The following PIP5K1B variants were observed in gnomAD, a reference collection of about 807,000 sequenced individuals.
PIP5K1B encodes phosphatidylinositol-4-phosphate 5-kinase type 1 beta.
Under a neutral mutation model 67.0 loss-of-function variants are expected in PIP5K1B, and 42 were observed. The ratio of observed to expected loss-of-function variants is 0.63; its 90% CI spans 0.49 to 0.81. The LOEUF (loss-of-function observed/expected upper bound fraction) is 0.81, where lower values mean the gene tolerates loss of function less well. Ranked by LOEUF, PIP5K1B falls within the 30% of genes least tolerant of loss-of-function variation. The pLI is 0.00. For synonymous variants in PIP5K1B, 214 were observed against 231.4 expected (o/e 0.92, Z 0.68); for missense variants, 459 against 646.3 (o/e 0.71, Z 3.14).
chr9:68,811,157 A>G lies in PIP5K1B; in HGVS notation c.-85-7304A>G, dbSNP rs150907462. Among the ~76,000 whole-genome samples, 452 of 152,300 alleles carry G rather than the reference A, an allele frequency of 3.0e-3. 1 individual carries two copies. The highest frequency in any genetic ancestry group is 9.6e-3 in the African/African-American group (399 of 41,560). ...TTAACGGATTCCCAGAGCTATAACAATAGAAACGTGTGTACCAGTTCCTAG... is the reference window on the plus strand; with the variant it reads ...TTAACGGATTCCCAGAGCTATAACAGTAGAAACGTGTGTACCAGTTCCTAG... On this transcript the variant is annotated intron_variant, in intron 2 of 15. Transcript: ENST00000265382.
At chr9:68,787,169 A>T (rs1831672099) in intron 2 of PIP5K1B, among the ~76,000 whole-genome samples, 1 of 152,108 alleles carries the variant, frequency 6.6e-6, no homozygotes, top group African/African-American at 2.4e-5. Flanking sequence ...CTGTAAAGGG[A>T]AGTGAGTAGA....
intron 5 of PIP5K1B, among the ~76,000 whole-genome samples, chr9:68,875,678 G>A (rs1042511300): frequency 6.6e-6 from 1 of 152,142 alleles, no homozygotes; most frequent in African/African-American, 2.4e-5. Flanking sequence ...ATAAAAAGCA[G>A]ACCATGATAA....
rs1827389023 is a variant in PIP5K1B at position 68,711,454 on chromosome 9, T to G, written c.-243+5692T>G. Among the ~76,000 whole-genome samples the G allele has an allele frequency of 3.9e-5, 6 of 152,208 alleles. No individual in the cohort carries two copies. In the South Asian group the frequency reaches 1.2e-3, roughly 32 times the overall value. On this transcript the variant is annotated intron_variant, in intron 1 of 15. Coordinates refer to ENST00000265382, the MANE Select transcript of PIP5K1B (RefSeq NM_003558.4). ...ACAATGGAAAAGGTTAAGCATCATG[T>G]TTTATTTATATTTGTATTCTTGGAA... is the stretch of plus-strand genomic sequence containing the variant.
At chr9:68,996,703 G>C (rs1164214401) in intron 15 of PIP5K1B, among the ~76,000 whole-genome samples, 1 of 152,170 alleles carries the variant, frequency 6.6e-6, no homozygotes, top group Middle Eastern at 3.2e-3. Flanking sequence ...TTTGGTTTTC[G>C]TGGAAAGAGG....
At chr9:68,940,973 C>T (rs1013421776) in intron 14 of PIP5K1B, 183 bp downstream of exon 14, 1 of 694,260 alleles carries the variant, frequency 1.4e-6, no homozygotes, top group African/African-American at 1.8e-5. Context: ...AGGGAAAACC[C>T]TCATGATTTT....
chr9:69,003,466 T>TTAAA lies in PIP5K1B; in HGVS notation c.1621-4981_1621-4980insTAAA, dbSNP rs1554755635. On this transcript the variant is annotated intron_variant, in intron 15 of 15. Transcript: ENST00000265382. ...GACTGAAACCTGAGGTAATTATAGT[T>TTAAA]AAAAAAAAAAAAGGGGGGGGGATAT... Among the ~76,000 whole-genome samples, 110 of 16,556 alleles carry TTAAA rather than the reference T, an allele frequency of 6.6e-3. 1 individual carries two copies. Among genetic ancestry groups the TTAAA allele is most frequent in the African/African-American group, 0.021 (100 of 4,766 alleles). The allele number at this position is 16,556 out of a possible 152,430, so 10.9% of individuals were successfully genotyped here.
chr9:68,939,420 C>G (rs1013511102), intron 13 of PIP5K1B, among the ~76,000 whole-genome samples: 2 of 152,130 alleles, frequency 1.3e-5, no homozygotes, highest in Non-Finnish European at 2.9e-5. Flanking sequence ...TTTTGACACC[C>G]AGTTTTCAAT....
At chr9:68,902,265 C>T (rs1013329736) in intron 8 of PIP5K1B, among the ~76,000 whole-genome samples, 1 of 152,224 alleles carries the variant, frequency 6.6e-6, no homozygotes, top group African/African-American at 2.4e-5. Flanking sequence ...ACAGCTACCT[C>T]CTTCCCTCAC....
At chr9:68,831,379 C>T (rs181010430) in intron 4 of PIP5K1B, among the ~76,000 whole-genome samples, 8 of 152,280 alleles carry the variant, frequency 5.3e-5, no homozygotes, top group Non-Finnish European at 5.9e-5. Context: ...TCCTAACAAC[C>T]TTATGAGGTT....
intron 2 of PIP5K1B, among the ~76,000 whole-genome samples, chr9:68,752,526 C>T (rs1371973341): frequency 6.6e-6 from 1 of 151,590 alleles, no homozygotes; most frequent in African/African-American, 2.4e-5. Flanking sequence ...TCTTTCCCTC[C>T]CTTGCTGTCT....
chr9:68,814,665 A>T (rs1432144710), intron 2 of PIP5K1B, among the ~76,000 whole-genome samples: 9 of 152,004 alleles, frequency 5.9e-5, no homozygotes, highest in Non-Finnish European at 1.0e-4. Context: ...AAAAAAATTT[A>T]AAAAATTAGC....
intron 5 of PIP5K1B, among the ~76,000 whole-genome samples, chr9:68,872,590 G>A (rs1823681764): frequency 6.6e-6 from 1 of 152,204 alleles, no homozygotes; most frequent in South Asian, 2.1e-4. Context: ...AAGGAATACT[G>A]TGAAGAGTTC....
intron 2 of PIP5K1B, chr9:68,780,175 A>G: frequency 6.6e-7 from 1 of 1,524,382 alleles, no homozygotes; most frequent in Non-Finnish European, 8.8e-7. Flanking sequence ...ATGGCTCAGG[A>G]GAAGATGGAG....
intron 4 of PIP5K1B, among the ~76,000 whole-genome samples, chr9:68,827,723 G>A (rs1465377149): frequency 6.6e-6 from 1 of 152,192 alleles, no homozygotes; most frequent in Non-Finnish European, 1.5e-5. Context: ...TCCAATCAGT[G>A]CGACTACCAG....
chr9:68,966,502 A>G (rs1829040053), intron 14 of PIP5K1B: 1 of 152,258 alleles, frequency 6.6e-6, no homozygotes, highest in Non-Finnish European at 1.5e-5. Context: ...GTGTCTAACC[A>G]TGAGAAAAAC....
intron 14 of PIP5K1B, among the ~76,000 whole-genome samples, chr9:68,960,315 G>A (rs1383414310): frequency 6.6e-6 from 1 of 152,156 alleles, no homozygotes; most frequent in East Asian, 1.9e-4. Context: ...GTTTAAAGAT[G>A]TCTTTTTCTT....
chr9:68,915,605 A>G (rs1826055536), intron 8 of PIP5K1B, among the ~76,000 whole-genome samples: 1 of 152,054 alleles, frequency 6.6e-6, no homozygotes, highest in South Asian at 2.1e-4. Flanking sequence ...AGGATTTCCT[A>G]TCACCCCTCC....
At chr9:68,709,369 A>G (rs1827276184) in intron 1 of PIP5K1B, among the ~76,000 whole-genome samples, 1 of 152,034 alleles carries the variant, frequency 6.6e-6, no homozygotes, top group Non-Finnish European at 1.5e-5. Flanking sequence ...AGTAGCTGCA[A>G]CAACAGGCAC....
intron 6 of PIP5K1B, among the ~76,000 whole-genome samples, chr9:68,879,900 T>C (rs1211052927): frequency 6.6e-6 from 1 of 152,220 alleles, no homozygotes; most frequent in Non-Finnish European, 1.5e-5. Flanking sequence ...TTAGCTTAAT[T>C]GAGCCATTCC....
Sources: gnomAD v4.1 joint callset for allele counts (sites outside exome capture counted in the v4.1 genomes callset) on GRCh38, gnomAD v4.1.1 for gene constraint, MANE v1.5 for transcripts, NCBI Gene and HGNC (gene_info 2026-07-23, HGNC 2026-07-21) for gene names.